ERC2: variants seen among roughly 807,000 people sequenced by gnomAD.
ERC2 encodes the protein ELKS/RAB6-interacting/CAST family member 2.
A neutral mutation model predicts 114.8 loss-of-function variants in ERC2; 42 were observed. The ratio of observed to expected loss-of-function variants is 0.37; its 90% confidence interval spans 0.29 to 0.47. The LOEUF (loss-of-function observed/expected upper bound fraction) is 0.47. Among genes scored for constraint, ERC2 ranks in the 20% least tolerant of loss-of-function variants. The pLI is 0.99. For synonymous variants in ERC2, 454 were observed against 425.5 expected (o/e 1.07, Z -0.82); for missense variants, 939 against 1,150.7 (o/e 0.82, Z 2.66).
chr3:56,000,153 G>C (rs1040686470), intron 10 of ERC2, among the ~76,000 whole-genome samples: 1 of 152,056 alleles, frequency 6.6e-6, no homozygotes, highest in South Asian at 2.1e-4. Context: ...TGGATAATTA[G>C]TTGATAATTT....
At chr3:56,385,209 G>C (rs533559511) in intron 2 of ERC2, among the ~76,000 whole-genome samples, 2 of 151,940 alleles carry the variant, frequency 1.3e-5, no homozygotes, top group Non-Finnish European at 2.9e-5. Context: ...CCAAGATCAA[G>C]GTGCCAGCAG....
chr3:55,553,039 T>TTG (rs2055336981), intron 17 of ERC2, among the ~76,000 whole-genome samples: 1 of 136,754 alleles, frequency 7.3e-6, no homozygotes, highest in Non-Finnish European at 1.6e-5. Context: ...TTTTTTTTTT[T>TTG]GAGATGGAGT....
At chr3:55,742,598 A>G (rs1367887796) in intron 14 of ERC2, among the ~76,000 whole-genome samples, 1 of 152,196 alleles carries the variant, frequency 6.6e-6, no homozygotes, top group East Asian at 1.9e-4. Flanking sequence ...GTCATGTTCT[A>G]ATCATATTGT....
At chr3:55,603,232 A>C (rs1247466697) in intron 17 of ERC2, among the ~76,000 whole-genome samples, 1 of 152,224 alleles carries the variant, frequency 6.6e-6, no homozygotes, top group Non-Finnish European at 1.5e-5. Context: ...TTTATAAAAT[A>C]ATAGCCTGTT....
intron 15 of ERC2, among the ~76,000 whole-genome samples, chr3:55,704,879 T>G (rs1384466275): frequency 6.6e-6 from 1 of 152,260 alleles, no homozygotes; most frequent in Non-Finnish European, 1.5e-5. Context: ...AGAATAATTA[T>G]GTGCCAGGCT....
chr3:55,786,510 TAC>T (rs1185478795), intron 14 of ERC2, among the ~76,000 whole-genome samples: 1 of 152,228 alleles, frequency 6.6e-6, no homozygotes. Flanking sequence ...TAATTGTATC[TAC>T]AGTGTTGTGA....
At chr3:56,420,086 G>A (rs2107216816) in intron 2 of ERC2, among the ~76,000 whole-genome samples, 1 of 151,982 alleles carries the variant, frequency 6.6e-6, no homozygotes, top group South Asian at 2.1e-4. Context: ...GATTTTCCAA[G>A]GGATGAATCG....
chr3:56,210,979 T>C (rs1025073165), intron 3 of ERC2, among the ~76,000 whole-genome samples: 12 of 152,168 alleles, frequency 7.9e-5, no homozygotes, highest in African/African-American at 2.9e-4. Context: ...CAAAAGTTGG[T>C]TCTTAGGGGA....
At chr3:55,837,728 A>G (rs1381321790) in intron 14 of ERC2, among the ~76,000 whole-genome samples, 1 of 152,126 alleles carries the variant, frequency 6.6e-6, no homozygotes, top group African/African-American at 2.4e-5. Flanking sequence ...CGTTGTGCAC[A>G]TGTACCCTAT....
At chr3:55,711,862 G>C (rs1248363622) in intron 15 of ERC2, among the ~76,000 whole-genome samples, 1 of 152,180 alleles carries the variant, frequency 6.6e-6, no homozygotes, top group East Asian at 1.9e-4. Flanking sequence ...GAAAAAACAA[G>C]TTCAAGAGAG....
intron 13 of ERC2, among the ~76,000 whole-genome samples, chr3:55,929,845 T>C (rs1030657150): frequency 1.3e-5 from 2 of 152,150 alleles, no homozygotes; most frequent in Admixed American, 1.3e-4. Flanking sequence ...TGCGTTCCCT[T>C]CCCCTTCTGC....
chr3:55,660,033 T>C (rs1152113), intron 17 of ERC2, among the ~76,000 whole-genome samples: 15,641 of 152,180 alleles, frequency 0.1, 823 homozygotes, highest in Admixed American at 0.13. Context: ...GGAAGATCTA[T>C]GAGTATGGAA....
At chr3:56,080,680 G>A (rs929764763) in intron 7 of ERC2, 137 bp downstream of exon 7, 36 of 806,398 alleles carry the variant, frequency 4.5e-5, no homozygotes, top group Admixed American at 2.0e-4. Flanking sequence ...ACCAGTAAGT[G>A]AAACACCAGT....
At chr3:55,976,903 G>A (rs1354244467) in intron 12 of ERC2, among the ~76,000 whole-genome samples, 1 of 152,186 alleles carries the variant, frequency 6.6e-6, no homozygotes, top group Non-Finnish European at 1.5e-5. Flanking sequence ...ATCGTATGAG[G>A]AGGTGGGGCC....
At chr3:56,259,210 G>C (rs1576132852) in intron 3 of ERC2, among the ~76,000 whole-genome samples, 1 of 151,968 alleles carries the variant, frequency 6.6e-6, no homozygotes, top group Non-Finnish European at 1.5e-5. Flanking sequence ...AACCTCAGGT[G>C]ATCCACCCAC....
intron 13 of ERC2, among the ~76,000 whole-genome samples, chr3:55,892,048 C>A (rs936632702): frequency 6.6e-6 from 1 of 152,166 alleles, no homozygotes; most frequent in African/African-American, 2.4e-5. Flanking sequence ...CTTCATCTTT[C>A]TCAGCTTCCA....
chr3:55,623,791 C>T (rs540414931), intron 17 of ERC2, among the ~76,000 whole-genome samples: 1 of 152,362 alleles, frequency 6.6e-6, no homozygotes, highest in Non-Finnish European at 1.5e-5. Flanking sequence ...GGAATAAGAA[C>T]TACTTCCCCT....
At chr3:55,543,931 G>A (rs1450439035) in intron 17 of ERC2, among the ~76,000 whole-genome samples, 1 of 152,176 alleles carries the variant, frequency 6.6e-6, no homozygotes. Flanking sequence ...TCAAGAACAA[G>A]AACCTGCCTG....
intron 3 of ERC2, among the ~76,000 whole-genome samples, chr3:56,256,289 C>T (rs1321059414): frequency 6.6e-6 from 1 of 152,164 alleles, no homozygotes; most frequent in African/African-American, 2.4e-5. Flanking sequence ...TTGCTAAGTG[C>T]TCATTTCCAA....
Sources: allele counts gnomAD v4.1 joint callset (sites outside exome capture counted in the v4.1 genomes callset), GRCh38; gene constraint gnomAD v4.1.1; transcripts MANE v1.5; gene names NCBI Gene and HGNC (gene_info 2026-07-23, HGNC 2026-07-21).